SLC43A2: variants seen among roughly 807,000 people sequenced by gnomAD.
SLC43A2 encodes the protein solute carrier family 43 member 2, also known as large neutral amino acids transporter small subunit 4.
Under a neutral mutation model 63.2 loss-of-function variants are expected in SLC43A2, and 38 were observed. The observed-to-expected ratio is 0.60, with a 90% CI of 0.46 to 0.79. The LOEUF is 0.79. Among genes scored for constraint, SLC43A2 ranks in the 30% least tolerant of loss-of-function variants. The probability of loss-of-function intolerance (pLI) is 0.00; values close to 1 mark genes in which losing one functional copy is unlikely to be tolerated. For synonymous variants in SLC43A2, 322 were observed against 331.0 expected (o/e 0.97, Z 0.30); for missense variants, 644 against 756.2 (o/e 0.85, Z 1.74).
intron 5 of SLC43A2, among the ~76,000 whole-genome samples, chr17:1,597,898 C>T (rs1567628495): frequency 6.6e-6 from 1 of 152,248 alleles, no homozygotes; most frequent in Non-Finnish European, 1.5e-5. Context: ...CCAGGCACGC[C>T]CAGGTGAGCA....
chr17:1,604,909 G>A (rs1440171057), intron 5 of SLC43A2: 125 of 1,531,140 alleles, frequency 8.2e-5, no homozygotes, highest in Middle Eastern at 5.0e-4. Flanking sequence ...GGTCTCAGCT[G>A]CGCATAATGG....
At position 1,586,692 on chromosome 17, in the gene SLC43A2, C is replaced by CA. The variant is rs756832094; in HGVS notation, c.1079-642dup. On this transcript the variant is annotated intron_variant, in intron 9 of 13. Coordinates refer to ENST00000301335, the MANE Select transcript of SLC43A2 (RefSeq NM_152346.3). ...TGGGCAACAGAGCAAGACTCCATCT[C>CA]AAAAAAAAAAGAAATATCCCAGAAA... is the stretch of plus-strand genomic sequence containing the variant. 5.2e-3 allele frequency among the ~76,000 whole-genome samples: 769 copies of CA among 148,280 alleles called. 2 individuals carry two copies. Among genetic ancestry groups the CA allele is most frequent in the South Asian group, 0.011 (51 of 4,682 alleles).
At chr17:1,576,379 C>T (rs763335611) in intron 13 of SLC43A2, among the ~76,000 whole-genome samples, 16 of 152,092 alleles carry the variant, frequency 1.1e-4, no homozygotes, top group East Asian at 1.9e-4. Flanking sequence ...CCACCGCGCC[C>T]GGCCCAGGAA....
At position 1,578,366 on chromosome 17, in the gene SLC43A2, ACCGTCCCCTCAG is replaced by A. The variant is rs1567607557; in HGVS notation, c.1351-55_1351-44del. 1 of 1,591,200 alleles carries A rather than the reference ACCGTCCCCTCAG, an allele frequency of 6.3e-7. No homozygotes were observed. The highest frequency in any genetic ancestry group is 1.3e-5 in the African/African-American group (1 of 74,572). Reference sequence around the variant, plus strand: ...GACTGTGGGCATAAGGCCTTAAGGGACCGTCCCCTCAGCCCCCGCCCTCCAATTCCTGGGGGC... The same window carrying A: ...GACTGTGGGCATAAGGCCTTAAGGGACCCCCGCCCTCCAATTCCTGGGGGC... On this transcript the variant is annotated intron_variant, in intron 11 of 13. Transcript: ENST00000301335. This position sits in a 1 kb window ranked among gnomAD's most constrained non-coding sequence, Gnocchi z 6.5.
chr17:1,583,334 C>A lies in SLC43A2; in HGVS notation c.1220G>T (p.Gly407Val). The A allele has an allele frequency of 1.9e-6, 3 of 1,614,114 alleles. No homozygotes were observed. Among genetic ancestry groups the A allele is most frequent in the Admixed American group, 3.3e-5 (2 of 60,022 alleles). ...EEPEEKDANQGEKKKKKRDRQ... is the reference protein window; with the variant it reads ...EEPEEKDANQVEKKKKKRDRQ... ...GTCCCGCTTCTTCTTTTTCTTCTCG[C>A]CTCTGTGGAGACACAGAACGTGCAG... Residue 407 changes from glycine (G) to valine (V), a missense_variant and splice_region_variant, in exon 11 of 14, where the codon GGC becomes GTC. By Grantham distance (109) the Gly-to-Val change is moderately radical. Coordinates refer to ENST00000301335, the MANE Select transcript of SLC43A2 (RefSeq NM_152346.3). This position sits in a 1 kb window ranked among gnomAD's most constrained non-coding sequence, Gnocchi z 5.5.
intron 10 of SLC43A2, chr17:1,585,277 G>A: frequency 4.0e-6 from 4 of 1,001,860 alleles, no homozygotes; most frequent in Non-Finnish European, 4.8e-6. Flanking sequence ...GTCTTGCTCT[G>A]TTGCCCAGGC....
intron 5 of SLC43A2, among the ~76,000 whole-genome samples, chr17:1,600,927 T>C (rs1905943737): frequency 6.6e-6 from 1 of 151,616 alleles, no homozygotes; most frequent in African/African-American, 2.4e-5. Context: ...TGTTGACAAC[T>C]AACATTTTAC....
At chr17:1,582,581 G>A (rs550738130) in intron 11 of SLC43A2, among the ~76,000 whole-genome samples, 127 of 152,286 alleles carry the variant, frequency 8.3e-4, no homozygotes, top group African/African-American at 2.6e-3. Flanking sequence ...ACACACTTCC[G>A]GGAAATGGCA....
At chr17:1,623,517 C>A (rs534706141) in intron 2 of SLC43A2, among the ~76,000 whole-genome samples, 1 of 152,146 alleles carries the variant, frequency 6.6e-6, no homozygotes, top group Admixed American at 6.5e-5. Context: ...TCCTCTATCT[C>A]CCTGGCTTCC....
chr17:1,598,562 T>C (rs1400850455), intron 5 of SLC43A2, among the ~76,000 whole-genome samples: 2 of 151,616 alleles, frequency 1.3e-5, no homozygotes, highest in African/African-American at 4.8e-5. Context: ...GTAAAAAGAG[T>C]GTCTCAAACT....
At chr17:1,585,828 C>T (rs2076092884) in intron 10 of SLC43A2, 85 bp downstream of exon 10, 1 of 1,607,386 alleles carries the variant, frequency 6.2e-7, no homozygotes, top group Non-Finnish European at 8.5e-7. Flanking sequence ...CTCTGTCCCA[C>T]CCACCCTGTG....
chr17:1,600,152 A>ATATATATATTT (rs1216616243), intron 5 of SLC43A2, among the ~76,000 whole-genome samples: 1 of 60,280 alleles, frequency 1.7e-5, no homozygotes, highest in Non-Finnish European at 3.2e-5. Context: ...ATATATATAT[A>ATATATATATTT]TTTTTTTTTT....
intron 9 of SLC43A2, chr17:1,586,928 T>TGCCCCCCCCCCCCCCCCCCCCCCCC: frequency 8.1e-7 from 1 of 1,232,908 alleles, no homozygotes; most frequent in Non-Finnish European, 1.1e-6. Flanking sequence ...TCCCTGACAA[T>TGCCCCCCCCCCCCCCCCCCCCCCCC]CCCCCCCACC....
At position 1,578,272 on chromosome 17, in the gene SLC43A2, C is replaced by G. The variant is rs140096366; in HGVS notation, c.1402G>C (p.Val468Leu). 2 of 1,613,922 alleles carry G rather than the reference C, an allele frequency of 1.2e-6. No homozygotes were observed. Among genetic ancestry groups the G allele is most frequent in the East Asian group, 2.2e-5 (1 of 44,882 alleles). The change falls in exon 12 of 14, where the codon GTC (valine) becomes CTC (leucine). Residue 468 changes from valine (V) to leucine (L), a missense_variant. By Grantham distance (32) the Val-to-Leu change is conservative. Around this residue, in one of 3 missense-constraint regions of SLC43A2, gnomAD observed 528 missense variants for 623.6 expected, o/e 0.85. Coordinates refer to ENST00000301335, the MANE Select transcript of SLC43A2 (RefSeq NM_152346.3). The surrounding 1 kb of genome is among the most constrained non-coding windows in gnomAD (Gnocchi z 6.5). ...TIVRGFIHSA[V>L]GGLYAAVYPS... ...TACACGGCAGCGTACAGGCCCCCGA[C>G]AGCGGAGTGGATGAATCCTCGCACG...
chr17:1,601,860 C>T (rs1205741106), intron 5 of SLC43A2, among the ~76,000 whole-genome samples: 1 of 146,534 alleles, frequency 6.8e-6, no homozygotes, highest in African/African-American at 2.6e-5. Flanking sequence ...TCTGCACCGC[C>T]CTCCCGAAGG....
chr17:1,588,680 A>G (rs1045426413), intron 9 of SLC43A2, among the ~76,000 whole-genome samples: 10 of 128,262 alleles, frequency 7.8e-5, no homozygotes, highest in Non-Finnish European at 1.4e-4. Context: ...CCTGGGTGGC[A>G]GAGCAAGACC....
intron 4 of SLC43A2, 35 bp downstream of exon 4, chr17:1,614,944 G>A (rs755898028): frequency 3.0e-5 from 48 of 1,608,282 alleles, no homozygotes; most frequent in Non-Finnish European, 3.1e-5. Context: ...TCTCTCCCCG[G>A]TCCCTGACAG....
At chr17:1,624,172 C>A (rs746639156) in intron 2 of SLC43A2, among the ~76,000 whole-genome samples, 1 of 152,262 alleles carries the variant, frequency 6.6e-6, no homozygotes, top group East Asian at 1.9e-4. Flanking sequence ...AGCGGTGGCT[C>A]ACGCCTATAA....
intron 4 of SLC43A2, among the ~76,000 whole-genome samples, chr17:1,614,577 G>A (rs1907420168): frequency 6.6e-6 from 1 of 152,130 alleles, no homozygotes; most frequent in Non-Finnish European, 1.5e-5. Context: ...TCCTTGAACA[G>A]GGTTGGGGAC....
Sources: gnomAD v4.1 joint callset for allele counts (sites outside exome capture counted in the v4.1 genomes callset) on GRCh38, gnomAD v4.1.1 for gene constraint, gnomAD v4.1.1 regional missense constraint, Gnocchi (gnomAD v3.1) non-coding constraint, MANE v1.5 for transcripts, NCBI Gene and HGNC (gene_info 2026-07-23, HGNC 2026-07-21) for gene names.